CNTNAP2: variants seen among roughly 807,000 people sequenced by gnomAD.
CNTNAP2 encodes contactin associated protein 2, also known as contactin-associated protein-like 2.
In CNTNAP2, 98 loss-of-function variants were observed where a neutral mutation model predicts 155.2. The ratio of observed to expected loss-of-function variants is 0.63; its 90% confidence interval spans 0.54 to 0.75. The LOEUF is 0.75. CNTNAP2 is among the 30% of genes least tolerant of loss of function. The pLI is 0.00. For synonymous variants in CNTNAP2, 651 were observed against 631.2 expected, an observed-to-expected ratio of 1.03 and a Z score of -0.47; for missense variants, 1,727 against 1,688.1, an observed-to-expected ratio of 1.02 and a Z score of -0.40.
intron 2 of CNTNAP2, among the ~76,000 whole-genome samples, chr7:146,781,506 C>A (rs1186436100): frequency 6.6e-6 from 1 of 152,148 alleles, no homozygotes; most frequent in Non-Finnish European, 1.5e-5. Flanking sequence ...TTTTCCACTT[C>A]CTGTTGGCCA....
At position 148,172,408 on chromosome 7, in the gene CNTNAP2, C is replaced by T. The variant is rs776617883; in HGVS notation, c.2940C>T (p.Cys980=). 49 of 1,613,980 alleles carry T rather than the reference C, an allele frequency of 3.0e-5. No individual in the cohort carries two copies. The highest frequency in any genetic ancestry group is 3.7e-5 in the Non-Finnish European group (44 of 1,180,022). The change falls in exon 18 of 24, where the codon TGC becomes TGT. Residue 980 remains cysteine (C), a synonymous_variant. Coordinates refer to ENST00000361727, the MANE Select transcript of CNTNAP2 (RefSeq NM_014141.6). ...YGTNCENGGK[C]LERYHGYSCD... ...CAAACTGTGAAAATGGAGGCAAATG[C>T]CTAGAGAGATACCACGGTTACTCCT...
intron 1 of CNTNAP2, among the ~76,000 whole-genome samples, chr7:146,677,970 G>A (rs1800432942): frequency 6.6e-6 from 1 of 152,068 alleles, no homozygotes; most frequent in African/African-American, 2.4e-5. Context: ...CATAGTTCAT[G>A]CTATTCTGAG....
At chr7:147,648,387 C>T (rs184698053) in intron 13 of CNTNAP2, among the ~76,000 whole-genome samples, 61 of 152,268 alleles carry the variant, frequency 4.0e-4, no homozygotes, top group African/African-American at 1.3e-3. Flanking sequence ...CTCAAAGTTA[C>T]GCAAAGTAGA....
chr7:146,340,271 TTTG>T (rs200825227), intron 1 of CNTNAP2, among the ~76,000 whole-genome samples: 293 of 147,498 alleles, frequency 2.0e-3, no homozygotes, highest in Middle Eastern at 7.1e-3. Flanking sequence ...CCTTTTTTTG[TTTG>T]TTGTTGTTGT....
intron 11 of CNTNAP2, among the ~76,000 whole-genome samples, chr7:147,520,339 A>G (rs1241537553): frequency 2.0e-5 from 3 of 152,222 alleles, no homozygotes; most frequent in Non-Finnish European, 1.5e-5. Context: ...CCTGTGCAAT[A>G]TCAAATCAAG....
intron 1 of CNTNAP2, among the ~76,000 whole-genome samples, chr7:146,352,124 T>C (rs1446952858): frequency 6.6e-6 from 1 of 152,208 alleles, no homozygotes; most frequent in Non-Finnish European, 1.5e-5. Flanking sequence ...ATTTTACTTT[T>C]TTTATATCGC....
intron 12 of CNTNAP2, among the ~76,000 whole-genome samples, chr7:147,606,515 G>A (rs1369907494): frequency 6.6e-6 from 1 of 152,200 alleles, no homozygotes; most frequent in African/African-American, 2.4e-5. Flanking sequence ...CCAGATGGCT[G>A]AGCAGGGCAC....
intron 13 of CNTNAP2, among the ~76,000 whole-genome samples, chr7:147,792,440 A>G (rs778740909): frequency 3.9e-5 from 6 of 151,996 alleles, no homozygotes; most frequent in African/African-American, 7.3e-5. Flanking sequence ...AATATGTGGC[A>G]TTTTGTGTCT....
chr7:147,023,280 T>A (rs1008785873), intron 3 of CNTNAP2, among the ~76,000 whole-genome samples: 1 of 152,210 alleles, frequency 6.6e-6, no homozygotes, highest in Non-Finnish European at 1.5e-5. Context: ...TTATATTATG[T>A]TGAGACTAAA....
At chr7:147,180,608 G>C (rs887345103) in intron 8 of CNTNAP2, among the ~76,000 whole-genome samples, 1 of 151,930 alleles carries the variant, frequency 6.6e-6, no homozygotes, top group African/African-American at 2.4e-5. Context: ...ACTAGAAATA[G>C]AGCTTTACCT....
At chr7:147,665,065 G>A (rs901899109) in intron 13 of CNTNAP2, among the ~76,000 whole-genome samples, 1 of 152,182 alleles carries the variant, frequency 6.6e-6, no homozygotes, top group African/African-American at 2.4e-5. Context: ...CAAAGTAGAT[G>A]CCACTGCATA....
At chr7:148,005,547 A>C (rs1432833988) in intron 15 of CNTNAP2, among the ~76,000 whole-genome samples, 1 of 152,122 alleles carries the variant, frequency 6.6e-6, no homozygotes, top group Non-Finnish European at 1.5e-5. Flanking sequence ...CCGGCCCTGC[A>C]TCCAGTCAAG....
chr7:147,320,415 T>G (rs1365576554), intron 9 of CNTNAP2, among the ~76,000 whole-genome samples: 1 of 152,130 alleles, frequency 6.6e-6, no homozygotes, highest in African/African-American at 2.4e-5. Context: ...GAAAACAGAT[T>G]GTAGGGAAAA....
At chr7:146,399,185 G>A (rs1186861973) in intron 1 of CNTNAP2, among the ~76,000 whole-genome samples, 1 of 151,906 alleles carries the variant, frequency 6.6e-6, no homozygotes, top group East Asian at 1.9e-4. Context: ...ATTTTTGGGG[G>A]GTAATGAGAA....
chr7:146,771,690 TTTG>T (rs1326854103), intron 1 of CNTNAP2, among the ~76,000 whole-genome samples: 1 of 152,136 alleles, frequency 6.6e-6, no homozygotes, highest in African/African-American at 2.4e-5. Context: ...TGAAGACGGA[TTTG>T]TTGATTTTAA....
At chr7:147,460,624 C>T (rs535838262) in intron 10 of CNTNAP2, among the ~76,000 whole-genome samples, 6 of 143,862 alleles carry the variant, frequency 4.2e-5, no homozygotes, top group East Asian at 1.9e-4. Flanking sequence ...AGATTTGCCA[C>T]ATCAGAGGAG....
intron 19 of CNTNAP2, among the ~76,000 whole-genome samples, chr7:148,222,543 G>GATGAATGGATCATTCCATGAATCC (rs1563000732): frequency 1.4e-5 from 2 of 143,052 alleles, no homozygotes; most frequent in African/African-American, 5.2e-5. Context: ...TCCATGAATC[G>GATGAATGGATCATTCCATGAATCC]ATGAATGGAT....
At chr7:147,786,225 T>G (rs758586055) in intron 13 of CNTNAP2, among the ~76,000 whole-genome samples, 1 of 152,162 alleles carries the variant, frequency 6.6e-6, no homozygotes, top group Non-Finnish European at 1.5e-5. Flanking sequence ...TGAGCCAAGA[T>G]TGCACCACTG....
chr7:146,568,268 G>C (rs748482817), intron 1 of CNTNAP2, among the ~76,000 whole-genome samples: 2 of 152,154 alleles, frequency 1.3e-5, no homozygotes, highest in African/African-American at 4.8e-5. Context: ...TTCCTAATTA[G>C]GGTAGCAACA....
Sources: allele counts gnomAD v4.1 joint callset (sites outside exome capture counted in the v4.1 genomes callset), GRCh38; gene constraint gnomAD v4.1.1; transcripts MANE v1.5; gene names NCBI Gene and HGNC (gene_info 2026-07-23, HGNC 2026-07-21).